ROBO1: variants seen among roughly 807,000 people sequenced by gnomAD.
ROBO1 encodes the protein roundabout homolog 1.
A neutral mutation model predicts 195.9 loss-of-function variants in ROBO1; 149 were observed. That is an observed-to-expected ratio of 0.76 (90% confidence interval 0.67 to 0.87). ROBO1 has a LOEUF of 0.87. Among genes scored for constraint, ROBO1 ranks in the 40% least tolerant of loss-of-function variants. The pLI is 0.00. For missense variants in ROBO1, 1,933 were observed against 2,068.3 expected, an observed-to-expected ratio of 0.93 and a Z score of 1.27; for synonymous variants, 816 against 733.2, an observed-to-expected ratio of 1.11 and a Z score of -1.82.
At chr3:78,774,060 A>C (rs182225927) in intron 4 of ROBO1, among the ~76,000 whole-genome samples, 2 of 152,338 alleles carry the variant, frequency 1.3e-5, no homozygotes, top group East Asian at 3.9e-4. Flanking sequence ...CTAATTTAAG[A>C]ATTTTGCCCA....
chr3:79,569,875 G>A (rs1288908098), intron 2 of ROBO1, among the ~76,000 whole-genome samples: 2 of 151,968 alleles, frequency 1.3e-5, no homozygotes, highest in Non-Finnish European at 2.9e-5. Context: ...AAGGAGAGAC[G>A]ATCCCTTGAA....
intron 2 of ROBO1, among the ~76,000 whole-genome samples, chr3:79,371,155 G>A (rs576005167): frequency 9.9e-5 from 15 of 152,188 alleles, no homozygotes; most frequent in African/African-American, 1.4e-4. Context: ...ATATGTGTGC[G>A]TGTGTCTTTA....
intron 3 of ROBO1, among the ~76,000 whole-genome samples, chr3:78,985,612 T>G (rs958159277): frequency 6.6e-6 from 1 of 152,190 alleles, no homozygotes; most frequent in Non-Finnish European, 1.5e-5. Flanking sequence ...TACGAAGGGA[T>G]GTAATGTACA....
At chr3:78,818,588 G>A (rs1415909153) in intron 4 of ROBO1, among the ~76,000 whole-genome samples, 2 of 152,224 alleles carry the variant, frequency 1.3e-5, no homozygotes, top group Admixed American at 6.5e-5. Context: ...CGCAGTCAGC[G>A]CCTTGGAGGC....
At chr3:79,173,097 G>A (rs1328800853) in intron 2 of ROBO1, among the ~76,000 whole-genome samples, 3 of 152,054 alleles carry the variant, frequency 2.0e-5, no homozygotes, top group Non-Finnish European at 4.4e-5. Context: ...TGGGTTCAAT[G>A]GTCACAAATA....
chr3:78,688,527 G>T, intron 9 of ROBO1, 121 bp downstream of exon 9: 1 of 1,049,932 alleles, frequency 9.5e-7, no homozygotes, highest in Non-Finnish European at 1.3e-6. Flanking sequence ...GGCACTCAGA[G>T]ATTTGCCAGT....
At chr3:79,073,197 C>T (rs2079116924) in intron 3 of ROBO1, among the ~76,000 whole-genome samples, 1 of 151,958 alleles carries the variant, frequency 6.6e-6, no homozygotes, top group South Asian at 2.1e-4. Flanking sequence ...TTTTAAAATA[C>T]ATTTAAACAT....
intron 29 of ROBO1, among the ~76,000 whole-genome samples, chr3:78,606,253 G>A (rs1409085864): frequency 6.6e-6 from 1 of 152,162 alleles, no homozygotes; most frequent in Admixed American, 6.6e-5. Context: ...GCTGACTGCA[G>A]TCTTGACCTC....
At chr3:79,621,895 T>C (rs545437190) in intron 1 of ROBO1, among the ~76,000 whole-genome samples, 1 of 152,028 alleles carries the variant, frequency 6.6e-6, no homozygotes, top group Non-Finnish European at 1.5e-5. Flanking sequence ...ATGACTGTAA[T>C]AAAACCTGGG....
chr3:78,829,415 C>T (rs567854884), intron 4 of ROBO1, among the ~76,000 whole-genome samples: 1 of 152,228 alleles, frequency 6.6e-6, no homozygotes, highest in South Asian at 2.1e-4. Flanking sequence ...TTACTAGTGG[C>T]ATCATTCACA....
intron 2 of ROBO1, among the ~76,000 whole-genome samples, chr3:79,282,363 A>G (rs909052722): frequency 6.6e-6 from 1 of 152,176 alleles, no homozygotes; most frequent in Admixed American, 6.5e-5. Flanking sequence ...TTGAGCATCT[A>G]ATGCATACCA....
intron 2 of ROBO1, among the ~76,000 whole-genome samples, chr3:79,387,082 C>CT: frequency 6.6e-6 from 1 of 152,114 alleles, no homozygotes; most frequent in Middle Eastern, 3.4e-3. Flanking sequence ...CATCTATTTG[C>CT]TTTTAGCACT....
chr3:79,710,879 A>G (rs1026282274), intron 1 of ROBO1, among the ~76,000 whole-genome samples: 13 of 152,148 alleles, frequency 8.5e-5, no homozygotes, highest in Non-Finnish European at 1.0e-4. Context: ...TCTATAAAAA[A>G]TGAATTTTGC....
At chr3:79,291,790 G>C (rs2032267000) in intron 2 of ROBO1, among the ~76,000 whole-genome samples, 1 of 152,086 alleles carries the variant, frequency 6.6e-6, no homozygotes, top group African/African-American at 2.4e-5. Flanking sequence ...TTCTCCATAT[G>C]ATACATACTC....
At chr3:78,851,581 A>T (rs375731624) in intron 4 of ROBO1, among the ~76,000 whole-genome samples, 20 of 152,198 alleles carry the variant, frequency 1.3e-4, no homozygotes, top group African/African-American at 3.9e-4. Flanking sequence ...CCATATGGTT[A>T]TCTATTAAAT....
At chr3:79,077,267 T>C (rs2079190401) in intron 3 of ROBO1, among the ~76,000 whole-genome samples, 5 of 151,936 alleles carry the variant, frequency 3.3e-5, no homozygotes, top group Admixed American at 3.3e-4. Context: ...ATTTTTAGTG[T>C]TCTTCCTAAG....
intron 4 of ROBO1, among the ~76,000 whole-genome samples, chr3:78,885,256 T>G (rs1174441317): frequency 6.6e-6 from 1 of 151,612 alleles, no homozygotes; most frequent in Admixed American, 6.6e-5. Context: ...TGGGGTCTCT[T>G]GTGGGGTGGA....
intron 3 of ROBO1, among the ~76,000 whole-genome samples, chr3:79,111,708 A>G (rs1390567072): frequency 6.6e-6 from 1 of 152,202 alleles, no homozygotes; most frequent in African/African-American, 2.4e-5. Context: ...TAGACCAGAA[A>G]AGAAGAAAAT....
chr3:79,375,328 G>T (rs1018182384), intron 2 of ROBO1, among the ~76,000 whole-genome samples: 1 of 152,102 alleles, frequency 6.6e-6, no homozygotes, highest in African/African-American at 2.4e-5. Context: ...AGTCTACTAT[G>T]GCATGGACTC....
Sources: allele counts gnomAD v4.1 joint callset (sites outside exome capture counted in the v4.1 genomes callset), GRCh38; gene constraint gnomAD v4.1.1; transcripts MANE v1.5; gene names NCBI Gene and HGNC (gene_info 2026-07-23, HGNC 2026-07-21).